RASAL2: variants seen among roughly 807,000 people sequenced by gnomAD.
RASAL2 encodes the protein RAS protein activator like 2.
In RASAL2, 58 loss-of-function variants were observed where a neutral mutation model predicts 128.9. The ratio of observed to expected loss-of-function variants is 0.45; its 90% confidence interval spans 0.36 to 0.56. The LOEUF (loss-of-function observed/expected upper bound fraction) is 0.56, where lower values mean the gene tolerates loss of function less well. Among genes scored for constraint, RASAL2 ranks in the 20% least tolerant of loss-of-function variants. The pLI, the probability that RASAL2 is intolerant of heterozygous loss-of-function variation, is 0.00. For synonymous variants in RASAL2, 561 were observed against 580.8 expected (o/e 0.97, Z 0.49); for missense variants, 1,360 against 1,601.6 (o/e 0.85, Z 2.57).
At chr1:178,221,771 C>G (rs952209530) in intron 1 of RASAL2, among the ~76,000 whole-genome samples, 14 of 152,128 alleles carry the variant, frequency 9.2e-5, no homozygotes, top group Non-Finnish European at 1.3e-4. Context: ...CAGGTATATT[C>G]AGTGAATTGC....
At chr1:178,095,781 CAG>C (rs1658657271) in intron 1 of RASAL2, among the ~76,000 whole-genome samples, 1 of 152,080 alleles carries the variant, frequency 6.6e-6, no homozygotes, top group Non-Finnish European at 1.5e-5. Context: ...ACTAGGAGTC[CAG>C]AGATCTCAGT....
intron 4 of RASAL2, among the ~76,000 whole-genome samples, chr1:178,407,696 A>G (rs1674081973): frequency 6.6e-6 from 1 of 152,112 alleles, no homozygotes; most frequent in South Asian, 2.1e-4. Context: ...AAAAGTCTCA[A>G]GCAGAATTAA....
chr1:178,347,193 T>C (rs1670195675), intron 3 of RASAL2, among the ~76,000 whole-genome samples: 1 of 152,222 alleles, frequency 6.6e-6, no homozygotes, highest in Non-Finnish European at 1.5e-5. Context: ...AGGGTGTGAC[T>C]ATTGCCATAA....
At chr1:178,182,098 T>C (rs1290745724) in intron 1 of RASAL2, among the ~76,000 whole-genome samples, 1 of 152,214 alleles carries the variant, frequency 6.6e-6, no homozygotes, top group African/African-American at 2.4e-5. Flanking sequence ...CACAGATTTG[T>C]CCACCCTCCT....
chr1:178,375,612 G>A (rs937529821), intron 3 of RASAL2, among the ~76,000 whole-genome samples: 1 of 152,086 alleles, frequency 6.6e-6, no homozygotes, highest in Non-Finnish European at 1.5e-5. Context: ...TTTTCAGCAC[G>A]TGGAATACTC....
chr1:178,298,222 G>A (rs1239497194), intron 2 of RASAL2, among the ~76,000 whole-genome samples: 2 of 152,164 alleles, frequency 1.3e-5, no homozygotes, highest in African/African-American at 2.4e-5. Flanking sequence ...TTTCCATCCT[G>A]AAAGGGACAG....
At chr1:178,340,635 C>T (rs762681916) in intron 3 of RASAL2, among the ~76,000 whole-genome samples, 10 of 152,064 alleles carry the variant, frequency 6.6e-5, no homozygotes. Context: ...TTAATCTCAA[C>T]AGGAAATCTC....
At chr1:178,464,507 ATCT>A in intron 15 of RASAL2, 95 bp downstream of exon 15, 1 of 1,406,876 alleles carries the variant, frequency 7.1e-7, no homozygotes, top group Non-Finnish European at 9.7e-7. Context: ...TCCCACCCCC[ATCT>A]TCACCTCTAC....
chr1:178,298,037 AT>A (rs1320205351), intron 2 of RASAL2, among the ~76,000 whole-genome samples: 1 of 152,148 alleles, frequency 6.6e-6, no homozygotes, highest in Non-Finnish European at 1.5e-5. Context: ...TCAAATAGTT[AT>A]GTTTATTTAG....
intron 1 of RASAL2, among the ~76,000 whole-genome samples, chr1:178,178,656 G>A (rs1661974216): frequency 6.6e-6 from 1 of 151,962 alleles, no homozygotes; most frequent in African/African-American, 2.4e-5. Flanking sequence ...TTCTGAATTC[G>A]TGCCAGCTAC....
intron 5 of RASAL2, among the ~76,000 whole-genome samples, chr1:178,434,824 A>C (rs1361197993): frequency 6.6e-6 from 1 of 152,034 alleles, no homozygotes; most frequent in Non-Finnish European, 1.5e-5. Flanking sequence ...TTCAAATGGC[A>C]AACATCAGTT....
At chr1:178,301,528 G>C (rs1202353250) in intron 3 of RASAL2, among the ~76,000 whole-genome samples, 2 of 151,894 alleles carry the variant, frequency 1.3e-5, no homozygotes, top group Non-Finnish European at 2.9e-5. Context: ...CACCTACTTG[G>C]TTCAAGCAAT....
intron 1 of RASAL2, among the ~76,000 whole-genome samples, chr1:178,139,435 T>G (rs1660452106): frequency 1.3e-5 from 2 of 152,092 alleles, no homozygotes; most frequent in African/African-American, 4.8e-5. Context: ...TTGATGTATA[T>G]ACTGTTTCTG....
chr1:178,194,135 C>A (rs1662583057), intron 1 of RASAL2, among the ~76,000 whole-genome samples: 1 of 152,194 alleles, frequency 6.6e-6, no homozygotes, highest in Non-Finnish European at 1.5e-5. Flanking sequence ...CAAGAACTAT[C>A]ACCCATCCCT....
At chr1:178,332,576 A>G (rs1038633085) in intron 3 of RASAL2, among the ~76,000 whole-genome samples, 1 of 149,304 alleles carries the variant, frequency 6.7e-6, no homozygotes, top group African/African-American at 2.5e-5. Context: ...ACCATTCTTT[A>G]TTTCCTTGTA....
intron 6 of RASAL2, among the ~76,000 whole-genome samples, chr1:178,440,375 CATATCCAAA>C (rs1001195573): frequency 8.6e-5 from 13 of 151,902 alleles, no homozygotes; most frequent in African/African-American, 3.1e-4. Flanking sequence ...AATCTGCATG[CATATCCAAA>C]ATATTATCAT....
At chr1:178,334,754 T>G (rs1669506114) in intron 3 of RASAL2, among the ~76,000 whole-genome samples, 1 of 152,178 alleles carries the variant, frequency 6.6e-6, no homozygotes, top group South Asian at 2.1e-4. Context: ...GGTCAAGAGA[T>G]GAAGACCATC....
intron 3 of RASAL2, among the ~76,000 whole-genome samples, chr1:178,378,865 A>AT (rs1672130568): frequency 6.6e-6 from 1 of 152,170 alleles, no homozygotes; most frequent in South Asian, 2.1e-4. Context: ...AACAAGTTAG[A>AT]TAATAACAAA....
intron 1 of RASAL2, among the ~76,000 whole-genome samples, chr1:178,101,160 A>G (rs1203250237): frequency 6.6e-6 from 1 of 152,212 alleles, no homozygotes; most frequent in African/African-American, 2.4e-5. Context: ...AGAAGTCTTG[A>G]GGCCCAGTGC....
Sources: allele counts gnomAD v4.1 joint callset (sites outside exome capture counted in the v4.1 genomes callset), GRCh38; gene constraint gnomAD v4.1.1; transcripts MANE v1.5; gene names NCBI Gene and HGNC (gene_info 2026-07-23, HGNC 2026-07-21).